TBL1Y: variants seen among roughly 807,000 people sequenced by gnomAD.
TBL1Y encodes the protein F-box-like/WD repeat-containing protein TBL1Y.
Under a neutral mutation model 12.0 loss-of-function variants are expected in TBL1Y, and 15 were observed. The ratio of observed to expected loss-of-function variants is 1.25; its 90% CI spans 0.83 to 1.92. The LOEUF (loss-of-function observed/expected upper bound fraction) is 1.92. Among genes scored for constraint, TBL1Y ranks in the 40% most tolerant of loss-of-function variants. The probability of loss-of-function intolerance (pLI) is 0.00; values close to 1 mark genes in which losing one functional copy is unlikely to be tolerated. For missense variants in TBL1Y, 148 were observed against 116.7 expected (o/e 1.27, Z -1.24); for synonymous variants, 53 against 42.6 (o/e 1.24, Z -0.95).
chrY:7,075,873 C>A (rs2013059114), intron 13 of TBL1Y, among the ~76,000 whole-genome samples: 1 of 32,694 alleles, frequency 3.1e-5, no homozygotes, highest in Non-Finnish European at 7.4e-5. Flanking sequence ...AAAGATCTGA[C>A]TTCTGTTTTT....
chrY:6,973,849 T>C, intron 2 of TBL1Y, among the ~76,000 whole-genome samples: 1 of 33,373 alleles, frequency 3.0e-5, no homozygotes, highest in Non-Finnish European at 7.4e-5. Context: ...AGGGGGAGTT[T>C]TACAAGGAAT....
At chrY:6,964,804 G>C (rs2012157763) in intron 2 of TBL1Y, among the ~76,000 whole-genome samples, 1 of 32,301 alleles carries the variant, frequency 3.1e-5, no homozygotes, top group Non-Finnish European at 7.5e-5. Context: ...AGTTCGGACA[G>C]ACGCTCCTGC....
At chrY:6,920,912 TC>T (rs2011773199) in intron 2 of TBL1Y, 2 of 33,290 alleles carry the variant, frequency 6.0e-5, no homozygotes, top group Non-Finnish European at 1.5e-4. Context: ...GTCAGAAGGC[TC>T]TTTGTGCCGC....
chrY:6,924,153 C>T, intron 2 of TBL1Y, among the ~76,000 whole-genome samples: 1 of 32,825 alleles, frequency 3.0e-5, no homozygotes, highest in Admixed American at 2.8e-4. Flanking sequence ...ACCATATAAA[C>T]TCATTTTAAG....
chrY:7,082,935 C>T (rs2013108297), intron 14 of TBL1Y, among the ~76,000 whole-genome samples: 1 of 33,555 alleles, frequency 3.0e-5, no homozygotes. Flanking sequence ...TCTCTTTCCC[C>T]TAGTGCCCAT....
intron 7 of TBL1Y, among the ~76,000 whole-genome samples, chrY:7,055,183 G>A (rs2012819206): frequency 8.9e-5 from 3 of 33,571 alleles, no homozygotes; most frequent in Non-Finnish European, 2.2e-4. Context: ...CAGTATATGC[G>A]CTATGGAGAG....
chrY:6,917,009 G>A, intron 2 of TBL1Y, among the ~76,000 whole-genome samples: 1 of 34,462 alleles, frequency 2.9e-5, no homozygotes, highest in South Asian at 6.4e-4. Context: ...TGCACAGGAT[G>A]GCTCCACCAC....
At chrY:7,086,461 C>T (rs955847947) in intron 16 of TBL1Y, 44 bp downstream of exon 16, 2 of 357,935 alleles carry the variant, frequency 5.6e-6, no homozygotes, top group Admixed American at 8.7e-5. Flanking sequence ...CCCTACACAA[C>T]GATAACAAGA....
At chrY:6,987,298 C>CT (rs369781684) in intron 3 of TBL1Y, among the ~76,000 whole-genome samples, 37 of 26,152 alleles carry the variant, frequency 1.4e-3, no homozygotes, top group South Asian at 4.7e-3. Context: ...TTTGTCATTT[C>CT]TTTTTTTTTT....
At chrY:6,974,454 C>T in intron 2 of TBL1Y, among the ~76,000 whole-genome samples, 1 of 34,251 alleles carries the variant, frequency 2.9e-5, no homozygotes, top group Non-Finnish European at 7.2e-5. Context: ...GTAATTATTT[C>T]TCCAGAAATC....
At chrY:7,076,389 A>G in intron 13 of TBL1Y, among the ~76,000 whole-genome samples, 2 of 32,847 alleles carry the variant, frequency 6.1e-5, no homozygotes, top group African/African-American at 2.4e-4. Flanking sequence ...CTTCTTACCT[A>G]TAATCTGGCT....
intron 3 of TBL1Y, among the ~76,000 whole-genome samples, chrY:6,995,493 A>G: frequency 2.9e-5 from 1 of 33,928 alleles, no homozygotes; most frequent in Non-Finnish European, 7.3e-5. Flanking sequence ...AAAGGGCAAT[A>G]TAGAATCATG....
intron 10 of TBL1Y, 42 bp downstream of exon 10, chrY:7,070,903 A>C (rs1380173326): frequency 2.7e-6 from 1 of 372,287 alleles, no homozygotes; most frequent in Non-Finnish European, 3.7e-6. Flanking sequence ...AATTGGTAAA[A>C]TCTGCCAGCC....
intron 2 of TBL1Y, among the ~76,000 whole-genome samples, chrY:6,931,803 T>C: frequency 2.9e-5 from 1 of 33,958 alleles, no homozygotes; most frequent in South Asian, 6.6e-4. Flanking sequence ...TTGTATGTTT[T>C]AATTATTTCC....
chrY:6,993,189 TTTTCTTTCTTTCTTTCTTTC>T, intron 3 of TBL1Y, among the ~76,000 whole-genome samples: 1 of 11,839 alleles, frequency 8.4e-5, no homozygotes, highest in African/African-American at 3.4e-4. Flanking sequence ...TCCAAGTTCC[TTTTCTTTCTTTCTTTCTTTC>T]TTTCTTTCTT....
chrY:7,070,903 A>G, intron 10 of TBL1Y, 42 bp downstream of exon 10: 1 of 372,287 alleles, frequency 2.7e-6, no homozygotes, highest in South Asian at 3.7e-5. Context: ...AATTGGTAAA[A>G]TCTGCCAGCC....
chrY:6,983,515 G>A, intron 3 of TBL1Y, among the ~76,000 whole-genome samples: 1 of 33,252 alleles, frequency 3.0e-5, no homozygotes, highest in Non-Finnish European at 7.4e-5. Context: ...TTCCAAAAAC[G>A]TATTTTAGGT....
At chrY:7,025,209 C>A in intron 6 of TBL1Y, 67 bp downstream of exon 6, 8 of 315,950 alleles carry the variant, frequency 2.5e-5, no homozygotes, top group South Asian at 1.7e-4. Context: ...AATGATCAAC[C>A]CTTGATTCAA....
At chrY:6,960,776 T>C in intron 2 of TBL1Y, among the ~76,000 whole-genome samples, 1 of 33,539 alleles carries the variant, frequency 3.0e-5, no homozygotes, top group Non-Finnish European at 7.4e-5. Flanking sequence ...TTTGATTCTT[T>C]TGGAATTTCC....
Sources: allele counts gnomAD v4.1 joint callset (sites outside exome capture counted in the v4.1 genomes callset), GRCh38; gene constraint gnomAD v4.1.1; transcripts MANE v1.5; gene names NCBI Gene and HGNC (gene_info 2026-07-23, HGNC 2026-07-21).